SNX16: variants seen among roughly 807,000 people sequenced by gnomAD.
SNX16 encodes sorting nexin 16.
In SNX16, 35 loss-of-function variants were observed where a neutral mutation model predicts 36.7. That is an observed-to-expected ratio of 0.95 (90% CI 0.73 to 1.27). SNX16 has a LOEUF of 1.27. SNX16 is among the 50% of genes most tolerant of loss of function. SNX16 has a pLI of 0.00. For synonymous variants in SNX16, 134 were observed against 132.0 expected (o/e 1.02, Z -0.10); for missense variants, 367 against 393.6 (o/e 0.93, Z 0.57).
At chr8:81,822,947 C>CATATATATATATATAT (rs949455303) in intron 4 of SNX16, among the ~76,000 whole-genome samples, 2 of 52,342 alleles carry the variant, frequency 3.8e-5, no homozygotes, top group Admixed American at 2.2e-4. Context: ...TATACATATA[C>CATATATATATATATAT]ATATATATAT....
At chr8:81,802,618 G>C in intron 6 of SNX16, 119 bp from the exon 7 acceptor site, 2 of 684,760 alleles carry the variant, frequency 2.9e-6, no homozygotes, top group Non-Finnish European at 4.5e-6. Context: ...TAGTTACATA[G>C]CTAATAAATA....
In SNX16 at chr8:81,815,405, G is replaced by C. The variant is rs1219344157; in HGVS notation, c.612-11C>G. 3 of 1,492,486 alleles carry C rather than the reference G, an allele frequency of 2.0e-6. No individual in the cohort carries two copies. The highest frequency in any genetic ancestry group is 2.7e-6 in the Non-Finnish European group (3 of 1,097,272). The allele number at this position is 1,492,486 out of a possible 1,614,324, so 92.5% of individuals were successfully genotyped here. A position where few individuals can be genotyped will look rare whatever the true frequency, so the allele number is the denominator to read the frequency against. ...TCTCTCACTGCAAGGCTTTTCAAAG[G>C]AAAAAAAAAATGATCTGAAGTACAA... is the stretch of plus-strand genomic sequence containing the variant. On this transcript the variant is annotated splice_polypyrimidine_tract_variant and intron_variant, in intron 4 of 7. Coordinates refer to ENST00000345957, the MANE Select transcript of SNX16 (RefSeq NM_152836.3).
chr8:81,805,194 GA>G (rs1809874565), intron 5 of SNX16, among the ~76,000 whole-genome samples: 1 of 151,488 alleles, frequency 6.6e-6, no homozygotes, highest in South Asian at 2.1e-4. Context: ...CATAATCTCT[GA>G]AAAAAATGCA....
intron 5 of SNX16, among the ~76,000 whole-genome samples, chr8:81,812,958 GA>G (rs1213684294): frequency 6.6e-6 from 1 of 151,676 alleles, no homozygotes; most frequent in Non-Finnish European, 1.5e-5. Context: ...TGAAAAATAA[GA>G]AAAAGTAAAA....
chr8:81,838,923 A>G (rs1001962288), intron 2 of SNX16, among the ~76,000 whole-genome samples: 1 of 152,154 alleles, frequency 6.6e-6, no homozygotes, highest in Admixed American at 6.5e-5. Flanking sequence ...GAGACTTCCC[A>G]AAAGAAAAAT....
intron 2 of SNX16, among the ~76,000 whole-genome samples, chr8:81,836,179 T>C (rs1033398589): frequency 2.0e-5 from 3 of 152,208 alleles, no homozygotes; most frequent in Non-Finnish European, 4.4e-5. Context: ...CTACACATCC[T>C]AGTCAATTTT....
intron 5 of SNX16, among the ~76,000 whole-genome samples, chr8:81,807,442 C>T (rs541997956): frequency 6.8e-6 from 1 of 146,310 alleles, no homozygotes; most frequent in Admixed American, 7.0e-5. Flanking sequence ...TTGCTGGAAT[C>T]CCGGAGGCAG....
At chr8:81,805,786 TGGCGAGG>T (rs1309371110) in intron 5 of SNX16, among the ~76,000 whole-genome samples, 2 of 151,948 alleles carry the variant, frequency 1.3e-5, no homozygotes, top group Admixed American at 6.6e-5. Flanking sequence ...CTGGGCGTGG[TGGCGAGG>T]GCCTGTAGTC....
chr8:81,801,693 A>G (rs890058024), intron 7 of SNX16, 100 bp from the exon 8 acceptor site: 2 of 592,178 alleles, frequency 3.4e-6, no homozygotes, highest in East Asian at 2.8e-5. Context: ...TACCTTATAG[A>G]AAATTTACAT....
intron 4 of SNX16, among the ~76,000 whole-genome samples, chr8:81,821,785 T>C (rs940315567): frequency 6.6e-6 from 1 of 152,128 alleles, no homozygotes; most frequent in Non-Finnish European, 1.5e-5. Flanking sequence ...GAACCAACTA[T>C]GTTAGTGCTG....
At chr8:81,818,350 A>G (rs1056546803) in intron 4 of SNX16, among the ~76,000 whole-genome samples, 2 of 152,094 alleles carry the variant, frequency 1.3e-5, no homozygotes, top group African/African-American at 4.8e-5. Context: ...TAAAAAAATA[A>G]AAACAACTTA....
chr8:81,834,294 C>A (rs1210013422), intron 2 of SNX16, among the ~76,000 whole-genome samples: 1 of 152,190 alleles, frequency 6.6e-6, no homozygotes, highest in Non-Finnish European at 1.5e-5. Flanking sequence ...TCAATTACCT[C>A]CCACTGGGTC....
At chr8:81,839,256 A>G (rs1811629839) in intron 2 of SNX16, among the ~76,000 whole-genome samples, 1 of 152,192 alleles carries the variant, frequency 6.6e-6, no homozygotes, top group Non-Finnish European at 1.5e-5. Context: ...AAAAGAGTAT[A>G]TAATTCCATT....
At chr8:81,829,730 T>A (rs1380150751) in intron 2 of SNX16, among the ~76,000 whole-genome samples, 2 of 152,112 alleles carry the variant, frequency 1.3e-5, no homozygotes, top group Non-Finnish European at 2.9e-5. Context: ...ATAACAGATT[T>A]GAGACAAAAC....
At chr8:81,829,935 T>A (rs1811177642) in intron 2 of SNX16, among the ~76,000 whole-genome samples, 1 of 152,036 alleles carries the variant, frequency 6.6e-6, no homozygotes, top group Non-Finnish European at 1.5e-5. Flanking sequence ...TTGCCAAGAA[T>A]AAAATATGGA....
intron 5 of SNX16, among the ~76,000 whole-genome samples, chr8:81,813,672 A>G (rs1810361053): frequency 6.6e-6 from 1 of 151,940 alleles, no homozygotes; most frequent in Admixed American, 6.6e-5. Context: ...AAATATCTAC[A>G]AATTGTATCT....
intron 4 of SNX16, among the ~76,000 whole-genome samples, chr8:81,817,239 A>G (rs1810535318): frequency 6.6e-6 from 1 of 152,240 alleles, no homozygotes; most frequent in African/African-American, 2.4e-5. Flanking sequence ...AAATTTCCTC[A>G]TACTTTAATG....
chr8:81,831,457 CTGAGGTGGGCAGATCACT>C (rs544666281), intron 2 of SNX16, among the ~76,000 whole-genome samples: 2 of 152,146 alleles, frequency 1.3e-5, no homozygotes, highest in East Asian at 3.9e-4. Flanking sequence ...CTTTGGGAGG[CTGAGGTGGGCAGATCACT>C]TGAGGTCAGG....
chr8:81,804,015 A>G (rs1809826001), intron 5 of SNX16, among the ~76,000 whole-genome samples: 1 of 151,950 alleles, frequency 6.6e-6, no homozygotes, highest in South Asian at 2.1e-4. Flanking sequence ...AAAATCAAAT[A>G]GATCTCTAAA....
Sources: allele counts gnomAD v4.1 joint callset (sites outside exome capture counted in the v4.1 genomes callset), GRCh38; gene constraint gnomAD v4.1.1; transcripts MANE v1.5; gene names NCBI Gene and HGNC (gene_info 2026-07-23, HGNC 2026-07-21).